HMGB1: variants seen among roughly 807,000 people sequenced by gnomAD.
HMGB1 encodes the protein high mobility group box 1, also known as high mobility group protein B1.
For synonymous variants in HMGB1, 81 were observed against 84.0 expected (o/e 0.96, Z 0.19); for missense variants, 79 against 253.5 (o/e 0.31, Z 4.67).
chr13:30,562,968 T>C (rs962549937), intron 1 of HMGB1, among the ~76,000 whole-genome samples: 10 of 152,232 alleles, frequency 6.6e-5, no homozygotes, highest in Non-Finnish European at 1.3e-4. Context: ...TTAATGGCGA[T>C]GCCATGTAAG....
intron 1 of HMGB1, among the ~76,000 whole-genome samples, chr13:30,525,846 G>A (rs1888351653): frequency 1.1e-5 from 1 of 94,604 alleles, no homozygotes; most frequent in Admixed American, 1.1e-4. Flanking sequence ...TACAATTCAA[G>A]ATGAGATTGT....
intron 1 of HMGB1, among the ~76,000 whole-genome samples, chr13:30,567,914 A>C (rs1870258504): frequency 6.6e-6 from 1 of 152,240 alleles, no homozygotes; most frequent in African/African-American, 2.4e-5. Flanking sequence ...GAAGACAATT[A>C]GGCAAATCCC....
At chr13:30,508,586 G>C (rs1190487739) in intron 1 of HMGB1, among the ~76,000 whole-genome samples, 1 of 152,116 alleles carries the variant, frequency 6.6e-6, no homozygotes, top group Non-Finnish European at 1.5e-5. Context: ...TCACCTGTTT[G>C]ATCCTTGTAC....
At chr13:30,497,941 T>C (rs1182156657) in intron 1 of HMGB1, among the ~76,000 whole-genome samples, 1 of 152,194 alleles carries the variant, frequency 6.6e-6, no homozygotes, top group Non-Finnish European at 1.5e-5. Context: ...GTCTTTATGG[T>C]AGAATGATTT....
chr13:30,530,596 TAAC>T (rs1888473105), intron 1 of HMGB1, among the ~76,000 whole-genome samples: 1 of 152,236 alleles, frequency 6.6e-6, no homozygotes, highest in Admixed American at 6.5e-5. Context: ...GTAGCTCTGC[TAAC>T]AATAGTGAAA....
chr13:30,554,542 A>G, intron 1 of HMGB1: 1 of 817,220 alleles, frequency 1.2e-6, no homozygotes, highest in Non-Finnish European at 2.2e-6. Context: ...GGTGGAAAGA[A>G]TTTTCTAAGG....
chr13:30,461,252 T>G lies in HMGB1; in HGVS notation c.*105A>C. On this transcript the variant is annotated 3_prime_UTR_variant, in exon 5 of 5. Coordinates refer to ENST00000341423, the MANE Select transcript of HMGB1 (RefSeq NM_002128.7). The stretch of plus-strand genomic sequence containing the variant: ...ACACTGTACAGTTTAAAAACAAATC[T>G]TACACAGCCTTACATTTCAATTTTT... 6.7e-7 allele frequency: 1 copy of G among 1,483,724 alleles called. No individual in the cohort carries two copies. The highest frequency in any genetic ancestry group is 9.0e-7 in the Non-Finnish European group (1 of 1,115,614). 91.9% of individuals were successfully genotyped at this position (1,483,724 alleles called of 1,614,324 possible). A position where few individuals can be genotyped will look rare whatever the true frequency, so the allele number is the denominator to read the frequency against.
intron 1 of HMGB1, among the ~76,000 whole-genome samples, chr13:30,537,680 T>TAC (rs1868514992): frequency 8.5e-6 from 1 of 117,834 alleles, no homozygotes; most frequent in Non-Finnish European, 1.8e-5. Flanking sequence ...TATATATATA[T>TAC]ATATATATAT....
intron 1 of HMGB1, among the ~76,000 whole-genome samples, chr13:30,601,618 C>T (rs1239018772): frequency 1.3e-5 from 1 of 76,228 alleles, no homozygotes; most frequent in Non-Finnish European, 2.3e-5. Flanking sequence ...TAGTGGCGGG[C>T]GCCTGTAGTC....
At chr13:30,586,547 G>A (rs368158913) in intron 1 of HMGB1, among the ~76,000 whole-genome samples, 188 of 140,918 alleles carry the variant, frequency 1.3e-3, no homozygotes, top group African/African-American at 3.5e-3. Context: ...GAGTGCAGTG[G>A]TGCAATCTCG....
At chr13:30,589,853 G>A (rs961999516) in intron 1 of HMGB1, among the ~76,000 whole-genome samples, 1 of 151,224 alleles carries the variant, frequency 6.6e-6, no homozygotes, top group Non-Finnish European at 1.5e-5. Flanking sequence ...CTGGGCAACA[G>A]AGTGAGACTC....
chr13:30,562,463 A>T (rs1234235898), intron 1 of HMGB1, among the ~76,000 whole-genome samples: 1 of 152,150 alleles, frequency 6.6e-6, no homozygotes, highest in East Asian at 1.9e-4. Context: ...AATTCCATGT[A>T]AATGACTATA....
chr13:30,482,881 G>A (rs531215208), intron 1 of HMGB1, among the ~76,000 whole-genome samples: 223 of 151,746 alleles, frequency 1.5e-3, no homozygotes, highest in Middle Eastern at 3.4e-3. Flanking sequence ...TTGACCTCCC[G>A]GGCTCAAGCC....
chr13:30,463,061 A>T, intron 3 of HMGB1, 146 bp downstream of exon 3: 2 of 841,428 alleles, frequency 2.4e-6, no homozygotes, highest in Non-Finnish European at 1.9e-6. Flanking sequence ...ATTTTATACT[A>T]TTTAAATATA....
Position 30,538,705 on chromosome 13 carries a change from TTC to T in HMGB1, c.-14-75013_-14-75012del, listed in dbSNP as rs1184917470. ...CTTTCCTTTCTTTCTTTCTTTCTTT[TTC>T]TTTCTTTCTTCTTTTTCTTTCTTTT... On this transcript the variant is annotated intron_variant, in intron 1 of 4. Transcript: ENST00000405805. 1.8e-3 allele frequency among the ~76,000 whole-genome samples: 225 copies of T among 128,306 alleles called. 7 individuals are homozygous for T. Among genetic ancestry groups the T allele is most frequent in the African/African-American group, 7.3e-3 (213 of 29,092 alleles). 84.2% of individuals were successfully genotyped at this position (128,306 alleles called of 152,430 possible).
chr13:30,482,547 A>C (rs1887255293), intron 1 of HMGB1, among the ~76,000 whole-genome samples: 1 of 152,254 alleles, frequency 6.6e-6, no homozygotes, highest in South Asian at 2.1e-4. Flanking sequence ...CAGGTGAGGA[A>C]ATTAAGGTTG....
chr13:30,548,204 C>T (rs1221496719), intron 1 of HMGB1, among the ~76,000 whole-genome samples: 1 of 152,086 alleles, frequency 6.6e-6, no homozygotes. Flanking sequence ...GGTGGTTACC[C>T]TCATGCTGTT....
chr13:30,600,889 C>T (rs1410197854), intron 1 of HMGB1, among the ~76,000 whole-genome samples: 1 of 152,134 alleles, frequency 6.6e-6, no homozygotes, highest in Non-Finnish European at 1.5e-5. Flanking sequence ...TTGTTGATAG[C>T]AAAGGAGAGA....
chr13:30,507,708 G>A (rs1186695497), intron 1 of HMGB1, among the ~76,000 whole-genome samples: 6 of 152,082 alleles, frequency 3.9e-5, no homozygotes, highest in South Asian at 2.1e-4. Context: ...ACATCCCTAC[G>A]CACCCATCAA....
Sources: gnomAD v4.1 joint callset for allele counts (sites outside exome capture counted in the v4.1 genomes callset) on GRCh38, gnomAD v4.1.1 for gene constraint, MANE v1.5 for transcripts, NCBI Gene and HGNC (gene_info 2026-07-23, HGNC 2026-07-21) for gene names.